TCIRG1: variants seen among roughly 807,000 people sequenced by gnomAD.
TCIRG1 encodes T cell immune regulator 1, ATPase H+ transporting V0 subunit a3.
In TCIRG1, 86 loss-of-function variants were observed where a neutral mutation model predicts 95.5. The observed-to-expected ratio is 0.90, with a 90% CI of 0.76 to 1.08. The LOEUF is 1.08. TCIRG1 is among the 50% of genes least tolerant of loss of function. The pLI is 0.00. For synonymous variants in TCIRG1, 499 were observed against 501.3 expected (o/e 1.00, Z 0.06); for missense variants, 1,069 against 1,140.2 (o/e 0.94, Z 0.90).
rs1439348400 is a variant in TCIRG1, at chr11:68,047,973, G to T, written c.1554+1G>T. 1 of 1,613,412 alleles carries T rather than the reference G, an allele frequency of 6.2e-7. No homozygotes were observed. The highest frequency in any genetic ancestry group is 1.7e-5 in the Admixed American group (1 of 60,032). ...ACCCTACCCCTTTGGCATCGATCCT[G>T]TGAGTCCTGGGATGGAGTGTCCGTG... On this transcript the variant is annotated splice_donor_variant, in intron 13 of 19. Transcript: ENST00000265686. LOFTEE classifies it high-confidence loss of function.
chr11:68,043,555 T>C lies in TCIRG1; in HGVS notation c.631-16T>C, dbSNP rs201351568. The C allele has an allele frequency of 1.9e-6, 3 of 1,603,558 alleles. No homozygotes were observed. Among genetic ancestry groups the C allele is most frequent in the Admixed American group, 3.4e-5 (2 of 59,016 alleles). On this transcript the variant is annotated splice_polypyrimidine_tract_variant and intron_variant, in intron 6 of 19. Transcript: ENST00000265686. ...GGCAGAGCGGGACCCCAGAGTCAGCTGAGCCTGCTCTGCAGGGCGAGCCAG... is the reference window on the plus strand; with the variant it reads ...GGCAGAGCGGGACCCCAGAGTCAGCCGAGCCTGCTCTGCAGGGCGAGCCAG...
intron 3 of TCIRG1, among the ~76,000 whole-genome samples, chr11:68,042,349 C>T (rs1263194791): frequency 5.9e-5 from 9 of 152,204 alleles, no homozygotes; most frequent in Non-Finnish European, 7.3e-5. Flanking sequence ...ATCAGGCAGA[C>T]ACAGGACTCA....
intron 6 of TCIRG1, 28 bp from the exon 7 acceptor site, chr11:68,043,543 C>G: frequency 6.3e-7 from 1 of 1,597,804 alleles, no homozygotes; most frequent in Non-Finnish European, 8.5e-7. Context: ...AGAGCGGGAC[C>G]CCAGAGTCAG....
rs774968760 is a variant in TCIRG1 at position 68,043,044 on chromosome 11, T to A, written c.503+13T>A. ...ACCTGAGGGTCAAGTGAGTGAGGGA[T>A]GACCTCATGCCCTTTCTGGCCAGCC... On this transcript the variant is annotated intron_variant, in intron 5 of 19. Transcript: ENST00000265686. 2 of 1,549,522 alleles carry A rather than the reference T, an allele frequency of 1.3e-6. No individual in the cohort carries two copies. The highest frequency in any genetic ancestry group is 2.4e-5 in the South Asian group (2 of 84,056).
chr11:68,045,926 G>A (rs999048239), intron 10 of TCIRG1, among the ~76,000 whole-genome samples: 15 of 152,182 alleles, frequency 9.9e-5, no homozygotes, highest in African/African-American at 2.7e-4. Flanking sequence ...GCTATGGGCC[G>A]GGCCCCCACT....
chr11:68,049,277 C>G lies in TCIRG1; in HGVS notation c.1870C>G (p.Leu624Val), dbSNP rs1380629407. The change falls in exon 15 of 20, where the codon CTG (leucine) becomes GTG (valine). Residue 624 changes from leucine to valine, a missense_variant. By Grantham distance (32) the Leu-to-Val change is conservative (BLOSUM62 1). Transcript: ENST00000265686. Reference protein sequence around the residue: ...FLFSHSPSNRLLYPRQEVVQA... With the variant: ...FLFSHSPSNRVLYPRQEVVQA... ...CTTCTCCCACAGCCCCAGCAACAGG[C>G]TGCTCTACCCCCGGCAGGTGGGCTG... 7 of 1,610,780 alleles carry G rather than the reference C, an allele frequency of 4.3e-6. No homozygotes were observed. The highest frequency in any genetic ancestry group is 1.3e-5 in the African/African-American group (1 of 74,914).
At position 68,042,653 on chromosome 11, in the gene TCIRG1, G is replaced by A. The variant is rs1855226107; in HGVS notation, c.207G>A (p.Gln69=). The change falls in exon 4 of 20, where the codon CAG becomes CAA. Residue 69 remains glutamine (Q), a synonymous_variant. Transcript: ENST00000265686. ...EELEKTFTFL[Q]EEVRRAGLVL... ...TTCCTCTGCGCCCAGCCTTCCTGCA[G>A]GAGGAGGTGCGGCGGGCTGGGCTGG... The A allele has an allele frequency of 6.5e-7, 1 of 1,547,568 alleles. No homozygotes were observed. Among genetic ancestry groups the A allele is most frequent in the Non-Finnish European group, 8.7e-7 (1 of 1,146,480 alleles).
downstream of TCIRG1, chr11:68,052,379 C>G (rs535049430): frequency 6.6e-6 from 1 of 152,358 alleles, no homozygotes; most frequent in South Asian, 2.1e-4. Flanking sequence ...CAAGCGAGCT[C>G]GTGTGGACCA....
rs1855259629 is a variant in TCIRG1 at position 68,043,078 on chromosome 11, CT to C, written c.503+48del. On this transcript the variant is annotated intron_variant, in intron 5 of 19. Transcript: ENST00000265686. Reference sequence around the variant, plus strand: ...GCCCTTTCTGGCCAGCCCAGAACCCCTGGCCAGTCGCTGGGCTGGGCCAGGC... The same window carrying C: ...GCCCTTTCTGGCCAGCCCAGAACCCCGGCCAGTCGCTGGGCTGGGCCAGGC... 5 of 1,548,858 alleles carry C rather than the reference CT, an allele frequency of 3.2e-6. No individual in the cohort carries two copies. The South Asian group carries it at 6.0e-5, about 18-fold the overall frequency.
chr11:68,044,504 G>T (rs1855372443), intron 9 of TCIRG1, among the ~76,000 whole-genome samples, 160 bp downstream of exon 9: 2 of 152,172 alleles, frequency 1.3e-5, no homozygotes, highest in South Asian at 4.1e-4. Context: ...CAGGGAGTCT[G>T]CCCTGATGGC....
chr11:68,041,915 T>C, intron 3 of TCIRG1, 84 bp downstream of exon 3: 3 of 1,304,138 alleles, frequency 2.3e-6, no homozygotes, highest in Admixed American at 2.0e-5. Flanking sequence ...AGAGTCTGGG[T>C]TTGCCAGGTG....
Position 68,048,928 on chromosome 11 carries a change from T to A in TCIRG1, c.1604T>A (p.Met535Lys), listed in dbSNP as rs768665063. 1 of 1,613,568 alleles carries A rather than the reference T, an allele frequency of 6.2e-7. No individual in the cohort carries two copies. The highest frequency in any genetic ancestry group is 8.5e-7 in the Non-Finnish European group (1 of 1,180,034). Residue 535 changes from methionine (M) to lysine (K), a missense_variant, in exon 14 of 20, where the codon ATG becomes AAG. Transcript: ENST00000265686. ...TTGAGCTTCCTCAACTCCTTCAAGA[T>A]GAAGATGTCCGTCATCCTGGGCGTC... ...NHLSFLNSFK[M>K]KMSVILGVVH...
intron 9 of TCIRG1, among the ~76,000 whole-genome samples, chr11:68,044,605 C>G (rs1310905495): frequency 6.6e-6 from 1 of 152,192 alleles, no homozygotes; most frequent in Admixed American, 6.5e-5. Context: ...CCAATCCAGG[C>G]CCCCCTGTGA....
chr11:68,041,921 A>G (rs2134432744), intron 3 of TCIRG1, 90 bp downstream of exon 3: 1 of 1,229,824 alleles, frequency 8.1e-7, no homozygotes, highest in African/African-American at 1.5e-5. Context: ...TGGGTTTGCC[A>G]GGTGGAAGGC....
downstream of TCIRG1, among the ~76,000 whole-genome samples, chr11:68,052,632 C>T (rs559815281): frequency 1.1e-4 from 17 of 152,296 alleles, no homozygotes; most frequent in Non-Finnish European, 1.8e-4. Context: ...CAGGGCTCTT[C>T]GCTTCTGGGC....
Position 68,043,050 on chromosome 11 carries a change from C to T in TCIRG1, c.503+19C>T. The T allele has an allele frequency of 6.5e-7, 1 of 1,549,720 alleles. No individual in the cohort carries two copies. The highest frequency in any genetic ancestry group is 8.7e-7 in the Non-Finnish European group (1 of 1,146,914). On this transcript the variant is annotated intron_variant, in intron 5 of 19. Coordinates refer to ENST00000265686, the MANE Select transcript of TCIRG1 (RefSeq NM_006019.4). ...GGGTCAAGTGAGTGAGGGATGACCTCATGCCCTTTCTGGCCAGCCCAGAAC... is the reference window on the plus strand; with the variant it reads ...GGGTCAAGTGAGTGAGGGATGACCTTATGCCCTTTCTGGCCAGCCCAGAAC...
Position 68,043,474 on chromosome 11 carries a change from C to G in TCIRG1, c.607C>G (p.Gln203Glu). 6 of 1,558,832 alleles carry G rather than the reference C, an allele frequency of 3.8e-6. No individual in the cohort carries two copies. Among genetic ancestry groups the G allele is most frequent in the African/African-American group, 1.4e-5 (1 of 73,714 alleles). Residue 203 changes from glutamine to glutamate, a missense_variant, in exon 6 of 20, where the codon CAG becomes GAG. Coordinates refer to ENST00000265686, the MANE Select transcript of TCIRG1 (RefSeq NM_006019.4). The stretch of plus-strand genomic sequence containing the variant: ...CATTGCCAGCTTCAGGGAGCTGGAG[C>G]AGCCGCTGGAGCACCCCGTGACGGT... ...FLIASFRELE[Q>E]PLEHPVTGEP... is the part of the protein sequence containing the mutation.
At position 68,044,174 on chromosome 11, in the gene TCIRG1, C is replaced by T. The variant is rs1039065279; in HGVS notation, c.850C>T (p.Arg284Trp). ...GCGGTTCCTGAGCCAGGTGCTAGGC[C>T]GGGTGCTGCAGCTGCTGCCGCCAGG... ...TERFLSQVLG[R>W]VLQLLPPGQV... is the part of the protein sequence containing the mutation. Residue 284 changes from arginine (R) to tryptophan (W), a missense_variant, in exon 9 of 20, where the codon CGG becomes TGG. Transcript: ENST00000265686. 1.6e-5 allele frequency: 25 copies of T among 1,553,634 alleles called. No individual in the cohort carries two copies. Among genetic ancestry groups the T allele is most frequent in the Admixed American group, 2.0e-5 (1 of 51,194 alleles).
At chr11:68,044,783 C>G (rs747314366) in intron 9 of TCIRG1, 175 bp from the exon 10 acceptor site, 5 of 789,668 alleles carry the variant, frequency 6.3e-6, no homozygotes, top group Admixed American at 4.8e-5. Flanking sequence ...CATGTGGTGT[C>G]TTTGGGCCCC....
Sources: gnomAD v4.1 joint callset for allele counts (sites outside exome capture counted in the v4.1 genomes callset) on GRCh38, gnomAD v4.1.1 for gene constraint, MANE v1.5 for transcripts, NCBI Gene and HGNC (gene_info 2026-07-23, HGNC 2026-07-21) for gene names.